The following KLHL18 variants were observed in gnomAD, a reference collection of about 807,000 sequenced individuals.
KLHL18 encodes kelch like family member 18.
KLHL18 carries 38 observed loss-of-function variants against 58.5 expected under a neutral mutation model. That is an observed-to-expected ratio of 0.65 (90% confidence interval 0.50 to 0.85). The LOEUF (loss-of-function observed/expected upper bound fraction) is 0.85. Among genes scored for constraint, KLHL18 ranks in the 40% least tolerant of loss-of-function variants. KLHL18 has a pLI of 0.00. For synonymous variants in KLHL18, 303 were observed against 301.9 expected (o/e 1.00, Z -0.04); for missense variants, 624 against 778.4 (o/e 0.80, Z 2.36).
At chr3:47,291,952 C>A (rs1236354746) in intron 1 of KLHL18, among the ~76,000 whole-genome samples, 1 of 152,208 alleles carries the variant, frequency 6.6e-6, no homozygotes, top group African/African-American at 2.4e-5. Context: ...AAAGTCTTAA[C>A]TAAAGACACC....
At chr3:47,319,609 T>C (rs763450439) in intron 1 of KLHL18, 44 bp from the exon 2 acceptor site, 6 of 1,599,566 alleles carry the variant, frequency 3.8e-6, no homozygotes, top group Non-Finnish European at 5.1e-6. Flanking sequence ...TGTTTTTGTT[T>C]TGCATTCCTC....
At chr3:47,288,099 T>C (rs1702715096) in intron 1 of KLHL18, among the ~76,000 whole-genome samples, 1 of 151,614 alleles carries the variant, frequency 6.6e-6, no homozygotes, top group Admixed American at 6.6e-5. Context: ...CGCGGGCCTG[T>C]AGTCCCAGCC....
At chr3:47,316,595 G>A (rs71615459) in intron 1 of KLHL18, among the ~76,000 whole-genome samples, 58 of 117,530 alleles carry the variant, frequency 4.9e-4, no homozygotes, top group African/African-American at 1.9e-3. Flanking sequence ...ACATATATAC[G>A]TATATATGTA....
Position 47,334,708 on chromosome 3 carries a change from TACC to T in KLHL18, c.791_793del (p.His264del). 1.9e-6 allele frequency: 3 copies of T among 1,614,158 alleles called. No individual in the cohort carries two copies. Among genetic ancestry groups the T allele is most frequent in the Non-Finnish European group, 2.5e-6 (3 of 1,180,030 alleles). ...GGACCTGGTAGACGAAGCAAAGGACTACCACCTCATGCCAGAGCGCCGGCCCCA... is the reference window on the plus strand; with the variant it reads ...GGACCTGGTAGACGAAGCAAAGGACTACCTCATGCCAGAGCGCCGGCCCCA... On this transcript the variant is annotated inframe_deletion, in exon 6 of 10. Coordinates refer to ENST00000232766, the MANE Select transcript of KLHL18 (RefSeq NM_025010.5). The surrounding 1 kb of genome is among the most constrained non-coding windows in gnomAD (Gnocchi z 4.7).
chr3:47,329,085 C>T lies in KLHL18; in HGVS notation c.402-866C>T, dbSNP rs116156143. On this transcript the variant is annotated intron_variant, in intron 3 of 9. Coordinates refer to ENST00000232766, the MANE Select transcript of KLHL18 (RefSeq NM_025010.5). ...TCAAGGGTGATGTGAGCCGTGTTCA[C>T]GCTACTGCACTCCAGCCTGGGGGAC... 3.0e-3 allele frequency among the ~76,000 whole-genome samples: 459 copies of T among 151,474 alleles called. 2 individuals are homozygous for T. The highest frequency in any genetic ancestry group is 0.01 in the African/African-American group (424 of 41,278).
intron 1 of KLHL18, among the ~76,000 whole-genome samples, chr3:47,317,188 C>T (rs1703475255): frequency 6.6e-6 from 1 of 152,110 alleles, no homozygotes; most frequent in South Asian, 2.1e-4. Context: ...TGTCTGCTCA[C>T]CGCAACCTCC....
In KLHL18 at chr3:47,336,452, G is replaced by A. The variant is rs1703986310; in HGVS notation, c.899-83G>A. ...AAGAGCTAATAGAATTGAGTCGAAT[G>A]TTCCATATAATCAATGCCCAATAGC... is the stretch of plus-strand genomic sequence containing the variant. On this transcript the variant is annotated intron_variant, in intron 6 of 9. Transcript: ENST00000232766. The A allele has an allele frequency of 7.5e-6, 9 of 1,197,192 alleles. No homozygotes were observed. In the South Asian group the frequency reaches 8.5e-5, roughly 11 times the overall value. The allele number at this position is 1,197,192 out of a possible 1,614,324, so 74.2% of individuals were successfully genotyped here. A position where few individuals can be genotyped will look rare whatever the true frequency, so the allele number is the denominator to read the frequency against.
At chr3:47,284,330 CTTTTTTCTTTTT>C (rs1462296863) in intron 1 of KLHL18, among the ~76,000 whole-genome samples, 1 of 131,754 alleles carries the variant, frequency 7.6e-6, no homozygotes, top group Admixed American at 8.2e-5. Flanking sequence ...CTCTTCTTTT[CTTTTTTCTTTTT>C]TTTTTTTTTT....
chr3:47,308,473 C>A (rs1232639730), intron 1 of KLHL18, among the ~76,000 whole-genome samples: 2 of 152,226 alleles, frequency 1.3e-5, no homozygotes, highest in Non-Finnish European at 2.9e-5. Flanking sequence ...TCACTGCAAT[C>A]TCCACCTCCC....
intron 3 of KLHL18, among the ~76,000 whole-genome samples, chr3:47,329,286 G>T (rs916209480): frequency 3.3e-5 from 5 of 152,194 alleles, no homozygotes; most frequent in Middle Eastern, 6.8e-3. Flanking sequence ...GGAGTGCAGT[G>T]GCGCAGTCTC....
intron 3 of KLHL18, among the ~76,000 whole-genome samples, chr3:47,326,690 G>A (rs923230325): frequency 1.3e-5 from 2 of 152,076 alleles, no homozygotes; most frequent in African/African-American, 4.8e-5. Flanking sequence ...GGCCGAGGCA[G>A]GGTGGATCAC....
At chr3:47,300,160 T>C (rs1039953311) in intron 1 of KLHL18, among the ~76,000 whole-genome samples, 3 of 150,516 alleles carry the variant, frequency 2.0e-5, no homozygotes, top group Non-Finnish European at 3.0e-5. Flanking sequence ...TCTCCACTCT[T>C]ATCCCTCACC....
intron 1 of KLHL18, among the ~76,000 whole-genome samples, chr3:47,308,351 A>G (rs1020355885): frequency 1.3e-5 from 2 of 152,140 alleles, no homozygotes; most frequent in Non-Finnish European, 2.9e-5. Flanking sequence ...TGTCACCCAA[A>G]TAGTGTACAG....
At chr3:47,325,700 G>A (rs540992089) in intron 3 of KLHL18, among the ~76,000 whole-genome samples, 1 of 152,096 alleles carries the variant, frequency 6.6e-6, no homozygotes, top group South Asian at 2.1e-4. Context: ...TTTTTCTGGT[G>A]GCCCTATTTC....
chr3:47,317,306 G>T (rs1230598151), intron 1 of KLHL18, among the ~76,000 whole-genome samples: 1 of 152,090 alleles, frequency 6.6e-6, no homozygotes, highest in African/African-American at 2.4e-5. Context: ...TAGAGACGGG[G>T]TTTCACCATG....
At chr3:47,324,645 T>A (rs1180191046) in intron 3 of KLHL18, among the ~76,000 whole-genome samples, 2 of 152,016 alleles carry the variant, frequency 1.3e-5, no homozygotes, top group Non-Finnish European at 2.9e-5. Context: ...CCAGCCTGTA[T>A]GGCAGAGCAA....
At chr3:47,325,839 G>A (rs1022528355) in intron 3 of KLHL18, among the ~76,000 whole-genome samples, 3 of 150,830 alleles carry the variant, frequency 2.0e-5, no homozygotes, top group African/African-American at 7.3e-5. Flanking sequence ...TCGTGATCTC[G>A]GCTCACTGCC....
At chr3:47,319,136 A>C (rs1305340190) in intron 1 of KLHL18, among the ~76,000 whole-genome samples, 6 of 152,204 alleles carry the variant, frequency 3.9e-5, no homozygotes, top group Non-Finnish European at 7.3e-5. Flanking sequence ...TGCTAGCCAT[A>C]CAGAGCAGCA....
intron 1 of KLHL18, among the ~76,000 whole-genome samples, chr3:47,311,118 TCCTG>T (rs1049206561): frequency 6.6e-6 from 1 of 152,094 alleles, no homozygotes; most frequent in African/African-American, 2.4e-5. Flanking sequence ...CATGCCATTC[TCCTG>T]CCTCAGCCTC....
Sources: allele counts gnomAD v4.1 joint callset (sites outside exome capture counted in the v4.1 genomes callset), GRCh38; gene constraint gnomAD v4.1.1; non-coding constraint Gnocchi (gnomAD v3.1); transcripts MANE v1.5; gene names NCBI Gene and HGNC (gene_info 2026-07-23, HGNC 2026-07-21).